Variants in RGS5 observed in about 807,000 individuals in gnomAD.
RGS5 encodes regulator of G-protein signalling 5.
Under a neutral mutation model 18.9 loss-of-function variants are expected in RGS5, and 20 were observed. That is an observed-to-expected ratio of 1.06 (90% CI 0.74 to 1.54). RGS5 has a LOEUF of 1.54. RGS5 is among the 40% of genes most tolerant of loss of function. The pLI is 0.00. For missense variants in RGS5, 201 were observed against 211.8 expected (o/e 0.95, Z 0.32); for synonymous variants, 57 against 76.2 (o/e 0.75, Z 1.31).
intron 3 of RGS5, among the ~76,000 whole-genome samples, chr1:163,157,098 G>A (rs1480036078): frequency 6.6e-6 from 1 of 152,086 alleles, no homozygotes; most frequent in African/African-American, 2.4e-5. Context: ...CATTTCCCAT[G>A]GACAAATCTA....
rs531653238 is a variant in RGS5, at chr1:163,253,781, C to T, written c.-281+52452G>A. 3.7e-4 allele frequency among the ~76,000 whole-genome samples: 56 copies of T among 151,324 alleles called. 1 individual carries two copies. In the South Asian group the frequency reaches 0.011, roughly 31 times the overall value. Reference sequence around the variant, plus strand: ...CGTCATTTAGCATTAGGTATATCTCCTAAAGCTATCCCTCCCCCCTCCCCA... The same window carrying T: ...CGTCATTTAGCATTAGGTATATCTCTTAAAGCTATCCCTCCCCCCTCCCCA... On this transcript the variant is annotated intron_variant, in intron 2 of 5. Coordinates refer to the RGS5 transcript ENST00000618415.
Position 163,147,311 on chromosome 1 carries a change from C to T in RGS5, c.*31G>A, listed in dbSNP as rs187066818. 155 of 1,555,646 alleles carry T rather than the reference C, an allele frequency of 1.0e-4. 1 individual carries two copies. The African/African-American group carries it at 1.8e-3, about 18-fold the overall frequency. On this transcript the variant is annotated 3_prime_UTR_variant, in exon 5 of 5. Transcript: ENST00000313961. The stretch of plus-strand genomic sequence containing the variant: ...CAGGGTTATTATGGAGGAAATAACT[C>T]ACAGGATGATTTCATAGCCTGGCTA...
intron 2 of RGS5, chr1:163,238,841 G>T: frequency 6.0e-6 from 1 of 166,920 alleles, no homozygotes. Context: ...TTATTCAAGT[G>T]ATAGGATGAT....
chr1:163,150,391 A>G (rs1657325603), intron 4 of RGS5, among the ~76,000 whole-genome samples: 1 of 152,206 alleles, frequency 6.6e-6, no homozygotes, highest in Non-Finnish European at 1.5e-5. Context: ...ATTTGTAGGT[A>G]TTTCAGCAAA....
chr1:163,233,708 G>A (rs1439555181), intron 2 of RGS5, among the ~76,000 whole-genome samples: 2 of 152,110 alleles, frequency 1.3e-5, no homozygotes, highest in Non-Finnish European at 2.9e-5. Context: ...GGCAGGGGGT[G>A]GATCTTAAAA....
At chr1:163,318,483 C>T (rs1650089633) in intron 1 of RGS5, among the ~76,000 whole-genome samples, 1 of 151,982 alleles carries the variant, frequency 6.6e-6, no homozygotes, top group Non-Finnish European at 1.5e-5. Context: ...AAGCAAAGGA[C>T]AAATTAGAGT....
At chr1:163,148,043 C>T (rs1233298496) in intron 4 of RGS5, among the ~76,000 whole-genome samples, 3 of 150,280 alleles carry the variant, frequency 2.0e-5, no homozygotes, top group South Asian at 2.1e-4. Context: ...TTCTTCTGCC[C>T]GAGCCTCCCA....
intron 2 of RGS5, among the ~76,000 whole-genome samples, chr1:163,240,540 G>A (rs1647762077): frequency 6.6e-6 from 1 of 152,192 alleles, no homozygotes; most frequent in South Asian, 2.1e-4. Flanking sequence ...TTAAGAGAGA[G>A]ATGGAGGGTT....
At chr1:163,273,696 T>TTATTTTTCCCAGAGTATGTA (rs1306943317) in intron 2 of RGS5, among the ~76,000 whole-genome samples, 16 of 152,206 alleles carry the variant, frequency 1.1e-4, no homozygotes, top group Non-Finnish European at 1.5e-4. Context: ...ATATGAACTG[T>TTATTTTTCCCAGAGTATGTA]TATTTTTCCC....
intron 2 of RGS5, among the ~76,000 whole-genome samples, chr1:163,252,708 G>C (rs1277798821): frequency 6.6e-6 from 1 of 152,100 alleles, no homozygotes; most frequent in Non-Finnish European, 1.5e-5. Context: ...TTGGTACTTT[G>C]CTTGGGGCTT....
At chr1:163,230,947 T>C (rs527969602) in intron 2 of RGS5, among the ~76,000 whole-genome samples, 1 of 152,276 alleles carries the variant, frequency 6.6e-6, no homozygotes, top group South Asian at 2.1e-4. Flanking sequence ...GTAGTCACTT[T>C]TCCCATTATT....
intron 2 of RGS5, among the ~76,000 whole-genome samples, chr1:163,283,477 G>A (rs1248076122): frequency 6.6e-6 from 1 of 152,080 alleles, no homozygotes; most frequent in Non-Finnish European, 1.5e-5. Flanking sequence ...TATGATAATA[G>A]TACAGATTCT....
chr1:163,203,268 CT>C (rs765719736), upstream of RGS5, among the ~76,000 whole-genome samples: 4 of 152,154 alleles, frequency 2.6e-5, no homozygotes, highest in Non-Finnish European at 5.9e-5. Context: ...GTCATAGATT[CT>C]TAGGACTGTA....
At chr1:163,205,669 G>T (rs16850625), upstream of RGS5, among the ~76,000 whole-genome samples, 20,953 of 151,940 alleles carry the variant, frequency 0.14, 1,658 homozygotes, top group Non-Finnish European at 0.18. Flanking sequence ...ACAGTGGTTT[G>T]GGCTCCAAAG....
chr1:163,311,573 A>G (rs1649864535), intron 1 of RGS5, among the ~76,000 whole-genome samples: 1 of 152,174 alleles, frequency 6.6e-6, no homozygotes, highest in Non-Finnish European at 1.5e-5. Context: ...TAATTGGCCT[A>G]ATTCAAATAT....
chr1:163,258,372 A>T (rs1571323844), intron 2 of RGS5, among the ~76,000 whole-genome samples: 1 of 152,220 alleles, frequency 6.6e-6, no homozygotes, highest in Non-Finnish European at 1.5e-5. Flanking sequence ...AGAAATGCTT[A>T]AACATGGCAA....
intron 2 of RGS5, among the ~76,000 whole-genome samples, chr1:163,278,488 C>A (rs149791149): frequency 1.4e-4 from 22 of 151,862 alleles, no homozygotes; most frequent in African/African-American, 5.1e-4. Flanking sequence ...TTTTCAGGAC[C>A]TGAAAATAAA....
At chr1:163,221,336 A>G (rs919133807), upstream of RGS5, among the ~76,000 whole-genome samples, 2 of 152,156 alleles carry the variant, frequency 1.3e-5, no homozygotes, top group African/African-American at 4.8e-5. Flanking sequence ...CATCTCTACT[A>G]CAATATAAAA....
chr1:163,296,900 A>C (rs1432146442), intron 2 of RGS5, among the ~76,000 whole-genome samples: 1 of 152,146 alleles, frequency 6.6e-6, no homozygotes, highest in Non-Finnish European at 1.5e-5. Flanking sequence ...CTAAAAAGTT[A>C]CTTTTTTAGA....
Sources: gnomAD v4.1 joint callset for allele counts (sites outside exome capture counted in the v4.1 genomes callset) on GRCh38, gnomAD v4.1.1 for gene constraint, MANE v1.5 for transcripts, NCBI Gene and HGNC (gene_info 2026-07-23, HGNC 2026-07-21) for gene names.